Variants in CCDC181 observed in about 807,000 individuals in gnomAD.
CCDC181 encodes coiled-coil domain containing 181, also known as coiled-coil domain-containing protein 181.
CCDC181 carries 35 observed loss-of-function variants against 58.7 expected under a neutral mutation model. The ratio of observed to expected loss-of-function variants is 0.60; its 90% CI spans 0.46 to 0.79. The LOEUF (loss-of-function observed/expected upper bound fraction) is 0.79. Ranked by LOEUF, CCDC181 falls within the 30% of genes least tolerant of loss-of-function variation. CCDC181 has a pLI of 0.00. For missense variants in CCDC181, 517 were observed against 583.9 expected, an observed-to-expected ratio of 0.89 and a Z score of 1.18; for synonymous variants, 183 against 197.5, an observed-to-expected ratio of 0.93 and a Z score of 0.62.
intron 4 of CCDC181, chr1:169,418,743 A>T: frequency 2.1e-6 from 1 of 471,852 alleles, no homozygotes; most frequent in African/African-American, 2.0e-5. Flanking sequence ...CCCTGTTTGA[A>T]TAACAAAGTT....
At chr1:169,421,089 C>T (rs10489188) in intron 3 of CCDC181, among the ~76,000 whole-genome samples, 13,964 of 152,196 alleles carry the variant, frequency 0.092, 847 homozygotes, top group Admixed American at 0.13. Flanking sequence ...TCATGAGTCT[C>T]ACCTTTAAAA....
At chr1:169,430,487 T>A (rs58953641), upstream of CCDC181, among the ~76,000 whole-genome samples, 2,171 of 152,278 alleles carry the variant, frequency 0.014, 48 homozygotes, top group African/African-American at 0.047. Flanking sequence ...TTTTTAGTTT[T>A]CCTTGTAGAG....
chr1:169,426,059 G>GA (rs1320867583), intron 1 of CCDC181, among the ~76,000 whole-genome samples: 6 of 150,984 alleles, frequency 4.0e-5, no homozygotes, highest in South Asian at 4.2e-4. Flanking sequence ...TAATTCAAAG[G>GA]AAAAAAAAGC....
chr1:169,428,446 G>GT (rs1656805328), upstream of CCDC181, among the ~76,000 whole-genome samples: 2 of 151,718 alleles, frequency 1.3e-5, no homozygotes, highest in South Asian at 2.1e-4. Context: ...TAGGTTAATA[G>GT]TTTTTTCCTC....
intron 2 of CCDC181, among the ~76,000 whole-genome samples, chr1:169,423,584 A>C: frequency 6.6e-6 from 1 of 152,062 alleles, no homozygotes; most frequent in African/African-American, 2.4e-5. Flanking sequence ...TCATAACAGC[A>C]CTTTTATTTT....
chr1:169,397,263 T>C lies in CCDC181; in HGVS notation c.1344A>G (p.Thr448=). The C allele has an allele frequency of 2.5e-6, 4 of 1,605,876 alleles. No homozygotes were observed. The highest frequency in any genetic ancestry group is 3.4e-6 in the Non-Finnish European group (4 of 1,176,696). ...QEECLFFLKG[T]EGRERAFKQW... ...GTTTAAAGGCCCTTTCCCGGCCTTC[T>C]GTTCCTTTAAGGAAGAATAAACATT... The change falls in exon 5 of 6, where the codon ACA becomes ACG. Residue 448 remains threonine, a synonymous_variant. Transcript: ENST00000367806.
At chr1:169,447,922 T>TG (rs1225787581) in intron 2 of CCDC181, among the ~76,000 whole-genome samples, 1 of 152,232 alleles carries the variant, frequency 6.6e-6, no homozygotes, top group Non-Finnish European at 1.5e-5. Context: ...TGTTACTTTT[T>TG]TCATATCTTT....
At chr1:169,420,034 C>T (rs1209125929) in intron 3 of CCDC181, among the ~76,000 whole-genome samples, 3 of 152,052 alleles carry the variant, frequency 2.0e-5, no homozygotes, top group African/African-American at 7.2e-5. Flanking sequence ...GTGTGACATT[C>T]AGAAAAGAGA....
At chr1:169,449,378 A>G (rs1220386356) in intron 2 of CCDC181, among the ~76,000 whole-genome samples, 1 of 152,148 alleles carries the variant, frequency 6.6e-6, no homozygotes, top group Non-Finnish European at 1.5e-5. Context: ...TTTCCTTCCT[A>G]TAGTATTTGG....
intron 2 of CCDC181, among the ~76,000 whole-genome samples, chr1:169,458,175 GTT>G (rs369111049): frequency 1.6e-5 from 2 of 126,898 alleles, no homozygotes; most frequent in Non-Finnish European, 3.2e-5. Flanking sequence ...AGTAATTTTT[GTT>G]TTTTTTTTTT....
Position 169,444,902 on chromosome 1 carries a change from T to C in CCDC181, c.-24+14895A>G, listed in dbSNP as rs143395359. ...GAGAGGTTCATGTCAGCAACCAGAATACTCTCAAAAATGTAAATCAGATTA... is the reference window on the plus strand; with the variant it reads ...GAGAGGTTCATGTCAGCAACCAGAACACTCTCAAAAATGTAAATCAGATTA... On this transcript the variant is annotated intron_variant, in intron 2 of 6. Coordinates refer to the CCDC181 transcript ENST00000545005. Among the ~76,000 whole-genome samples, 147 of 152,280 alleles carry C rather than the reference T, an allele frequency of 9.7e-4. 1 individual carries two copies. The highest frequency in any genetic ancestry group is 1.5e-3 in the Non-Finnish European group (101 of 68,018).
At chr1:169,422,663 T>C (rs949432119) in intron 2 of CCDC181, among the ~76,000 whole-genome samples, 1 of 152,128 alleles carries the variant, frequency 6.6e-6, no homozygotes, top group Non-Finnish European at 1.5e-5. Flanking sequence ...AGAAAAACAA[T>C]TTTCAAAAAT....
In CCDC181 at chr1:169,406,363, C is replaced by T. The variant is rs539492779; in HGVS notation, c.1216-8972G>A. ...ACATGCACACATATGTTTATTGCAG[C>T]ACTATTCACAATAGCAAAGACTCGG... On this transcript the variant is annotated intron_variant, in intron 4 of 5. Coordinates refer to ENST00000367806, the MANE Select transcript of CCDC181 (RefSeq NM_001300969.2). Among the ~76,000 whole-genome samples, 112 of 152,286 alleles carry T rather than the reference C, an allele frequency of 7.4e-4. 1 individual carries two copies. The highest frequency in any genetic ancestry group is 2.5e-3 in the African/African-American group (104 of 41,542).
In CCDC181 at chr1:169,419,066, A is replaced by C. The variant is rs1475629643; in HGVS notation, c.1162T>G (p.Leu388Val). The change falls in exon 4 of 6, where the codon TTA becomes GTA. Residue 388 changes from leucine (L) to valine (V), a missense_variant. Coordinates refer to ENST00000367806, the MANE Select transcript of CCDC181 (RefSeq NM_001300969.2). ...AWLQKKREQV[L>V]EMRRIQRAKE... ...GCTCGCTGAATTCTCCTCATTTCTA[A>C]GACCTGCTCTCTTTTCTTTTGCAAC... The C allele has an allele frequency of 3.1e-6, 5 of 1,613,764 alleles. No homozygotes were observed. Among genetic ancestry groups the C allele is most frequent in the Non-Finnish European group, 4.2e-6 (5 of 1,179,948 alleles).
At position 169,457,773 on chromosome 1, in the gene CCDC181, A is replaced by G. The variant is rs144649888; in HGVS notation, c.-24+2024T>C. Among the ~76,000 whole-genome samples, 952 of 152,290 alleles carry G rather than the reference A, an allele frequency of 6.3e-3. 8 individuals are homozygous for G. Among genetic ancestry groups the G allele is most frequent in the African/African-American group, 0.022 (898 of 41,560 alleles). ...TTAATAAATATACAAAAAAGAACATAAATATGTAATTATATAGCAAATATA... is the reference window on the plus strand; with the variant it reads ...TTAATAAATATACAAAAAAGAACATGAATATGTAATTATATAGCAAATATA... On this transcript the variant is annotated intron_variant, in intron 2 of 6. Transcript: ENST00000545005.
chr1:169,413,718 A>G (rs1318552034), intron 4 of CCDC181, among the ~76,000 whole-genome samples: 2 of 152,216 alleles, frequency 1.3e-5, no homozygotes, highest in Non-Finnish European at 2.9e-5. Context: ...TGTCCTTTGC[A>G]GGGACATCAA....
At chr1:169,430,384 T>C (rs114276362), upstream of CCDC181, among the ~76,000 whole-genome samples, 2,576 of 152,318 alleles carry the variant, frequency 0.017, 75 homozygotes, top group African/African-American at 0.058. Context: ...CTTTTGGCAG[T>C]ATAGTCATTT....
chr1:169,444,534 T>C (rs1340473608), intron 2 of CCDC181, among the ~76,000 whole-genome samples: 2 of 152,194 alleles, frequency 1.3e-5, no homozygotes, highest in Non-Finnish European at 2.9e-5. Flanking sequence ...ACTGTAAATC[T>C]CAGTAAAGAT....
At chr1:169,417,359 C>G (rs1046458319) in intron 4 of CCDC181, among the ~76,000 whole-genome samples, 27 of 152,108 alleles carry the variant, frequency 1.8e-4, no homozygotes, top group African/African-American at 5.1e-4. Context: ...GATTAATTTG[C>G]TAGAGCAACT....
Sources: gnomAD v4.1 joint callset for allele counts (sites outside exome capture counted in the v4.1 genomes callset) on GRCh38, gnomAD v4.1.1 for gene constraint, MANE v1.5 for transcripts, NCBI Gene and HGNC (gene_info 2026-07-23, HGNC 2026-07-21) for gene names.